The following TMPRSS15 variants were observed in gnomAD, a reference collection of about 807,000 sequenced individuals.
The protein encoded by TMPRSS15 is transmembrane serine protease 15.
Under a neutral mutation model 125.3 loss-of-function variants are expected in TMPRSS15, and 128 were observed. That is an observed-to-expected ratio of 1.02 (90% confidence interval 0.89 to 1.18). TMPRSS15 has a LOEUF of 1.18. Among genes scored for constraint, TMPRSS15 ranks in the 50% most tolerant of loss-of-function variants. The pLI, the probability that TMPRSS15 is intolerant of heterozygous loss-of-function variation, is 0.00. For missense variants in TMPRSS15, 1,283 were observed against 1,212.7 expected (o/e 1.06, Z -0.86); for synonymous variants, 446 against 423.2 (o/e 1.05, Z -0.66).
intron 6 of TMPRSS15, among the ~76,000 whole-genome samples, chr21:18,365,580 CTTTT>C (rs1439135948): frequency 8.4e-6 from 1 of 119,524 alleles, no homozygotes; most frequent in Non-Finnish European, 1.7e-5. Context: ...CTCTTTCTCT[CTTTT>C]TCCTTCCTTC....
chr21:18,325,757 C>A (rs2075282400), intron 16 of TMPRSS15, among the ~76,000 whole-genome samples: 1 of 151,982 alleles, frequency 6.6e-6, no homozygotes, highest in Non-Finnish European at 1.5e-5. Flanking sequence ...AAAAAATTCT[C>A]TGCAGATTGT....
At chr21:18,329,061 C>T in intron 15 of TMPRSS15, 108 bp downstream of exon 15, 1 of 1,328,008 alleles carries the variant, frequency 7.5e-7, no homozygotes, top group Non-Finnish European at 1.1e-6. Context: ...ATTGTATTTT[C>T]ATTTTGCAAG....
Position 18,372,335 on chromosome 21 carries a change from T to G in TMPRSS15, c.533-11A>C. 4 of 1,611,200 alleles carry G rather than the reference T, an allele frequency of 2.5e-6. No homozygotes were observed. The South Asian group carries it at 4.4e-5, about 18-fold the overall frequency. ...CTATTGAGACATTTCCTTTAAAAAA[T>G]AACTGAAATTAATTTCCAATTGATG... On this transcript the variant is annotated splice_polypyrimidine_tract_variant and intron_variant, in intron 5 of 24. Transcript: ENST00000284885.
chr21:18,279,168 A>G (rs1378429654), intron 22 of TMPRSS15, 109 bp from the exon 23 acceptor site: 2 of 696,994 alleles, frequency 2.9e-6, no homozygotes, highest in African/African-American at 1.8e-5. Flanking sequence ...TCTAAAAAAC[A>G]TGTATTTTTT....
intron 18 of TMPRSS15, among the ~76,000 whole-genome samples, chr21:18,309,749 G>A (rs1478391117): frequency 2.0e-5 from 3 of 152,164 alleles, no homozygotes; most frequent in African/African-American, 7.2e-5. Flanking sequence ...ACGCCAGTTA[G>A]AACGGTGATC....
intron 3 of TMPRSS15, among the ~76,000 whole-genome samples, chr21:18,387,431 T>C (rs945019463): frequency 5.3e-5 from 8 of 152,190 alleles, no homozygotes; most frequent in African/African-American, 1.9e-4. Flanking sequence ...GTGGCTTATC[T>C]GTGCTCAAAG....
intron 16 of TMPRSS15, among the ~76,000 whole-genome samples, chr21:18,325,621 AG>A (rs2146960053): frequency 6.6e-6 from 1 of 152,112 alleles, no homozygotes. Context: ...CCTATGGAAG[AG>A]AAAGAGAGAT....
intron 18 of TMPRSS15, among the ~76,000 whole-genome samples, chr21:18,300,294 T>TTC (rs1187103446): frequency 2.5e-5 from 3 of 121,458 alleles, no homozygotes; most frequent in South Asian, 2.6e-4. Flanking sequence ...CTCTCTTTCT[T>TTC]TCTCTCTCTC....
intron 1 of TMPRSS15, among the ~76,000 whole-genome samples, chr21:18,438,519 T>C (rs189335672): frequency 1.3e-5 from 2 of 152,292 alleles, no homozygotes; most frequent in African/African-American, 4.8e-5. Flanking sequence ...TTCTAGATCA[T>C]CTCTTATACC....
At chr21:18,292,726 A>G (rs2074853565) in intron 21 of TMPRSS15, among the ~76,000 whole-genome samples, 1 of 152,184 alleles carries the variant, frequency 6.6e-6, no homozygotes, top group African/African-American at 2.4e-5. Context: ...TTTAGCTAAA[A>G]CTAGCTTTAA....
intron 3 of TMPRSS15, among the ~76,000 whole-genome samples, chr21:18,387,366 G>T (rs1375731121): frequency 1.3e-5 from 2 of 152,146 alleles, no homozygotes; most frequent in Admixed American, 6.5e-5. Context: ...ATTCCTTAAT[G>T]ATATTGGTAA....
Position 18,305,323 on chromosome 21 carries a change from G to A in TMPRSS15, c.2166-7494C>T, listed in dbSNP as rs1487113950. Among the ~76,000 whole-genome samples the A allele has an allele frequency of 4.0e-5, 6 of 151,620 alleles. 1 individual carries two copies. In the South Asian group the frequency reaches 1.3e-3, roughly 32 times the overall value. On this transcript the variant is annotated intron_variant, in intron 18 of 24. Coordinates refer to ENST00000284885, the MANE Select transcript of TMPRSS15 (RefSeq NM_002772.3). ...CCTGCCTCAGCCTCCCGAGTAGCTG[G>A]GACTACAGGCGCCCGCCACCGCGCC...
chr21:18,459,382 T>C lies in TMPRSS15; in HGVS notation c.10+26417A>G, dbSNP rs1978507106. On this transcript the variant is annotated intron_variant, in intron 1 of 7. Transcript: ENST00000422787. ...TCTGCCTCCCAAGTTCAAGCGATTC[T>C]CATGACTCAGCCTCTCGAGTAGCTG... 4.6e-5 allele frequency among the ~76,000 whole-genome samples: 7 copies of C among 151,988 alleles called. No homozygotes were observed. The South Asian group carries it at 1.5e-3, about 32-fold the overall frequency.
chr21:18,422,105 T>C (rs991288412), intron 1 of TMPRSS15, among the ~76,000 whole-genome samples: 1 of 151,524 alleles, frequency 6.6e-6, no homozygotes, highest in African/African-American at 2.4e-5. Context: ...TGCCTCAGCC[T>C]CCTGAGTAGC....
At chr21:18,301,170 A>G (rs908405269) in intron 18 of TMPRSS15, among the ~76,000 whole-genome samples, 12 of 152,142 alleles carry the variant, frequency 7.9e-5, no homozygotes, top group Non-Finnish European at 1.3e-4. Context: ...AGAGTAGGGT[A>G]TAGGGCCCTC....
At chr21:18,350,174 A>G (rs2075550953) in intron 10 of TMPRSS15, among the ~76,000 whole-genome samples, 1 of 152,112 alleles carries the variant, frequency 6.6e-6, no homozygotes, top group Non-Finnish European at 1.5e-5. Flanking sequence ...TGTAGGGGTT[A>G]GTTTTCAGCT....
chr21:18,357,340 T>TCTCTGATG (rs1358971008), intron 8 of TMPRSS15, among the ~76,000 whole-genome samples: 3 of 151,856 alleles, frequency 2.0e-5, no homozygotes, highest in South Asian at 2.1e-4. Context: ...TGTCTGTATT[T>TCTCTGATG]CTCTGATGCT....
chr21:18,430,595 C>A (rs948156950), intron 1 of TMPRSS15, among the ~76,000 whole-genome samples: 2 of 152,076 alleles, frequency 1.3e-5, no homozygotes, highest in Admixed American at 1.3e-4. Flanking sequence ...CATACATATC[C>A]AATAAAAGAA....
intron 1 of TMPRSS15, among the ~76,000 whole-genome samples, chr21:18,456,643 G>T (rs1170259540): frequency 6.6e-6 from 1 of 151,950 alleles, no homozygotes; most frequent in Admixed American, 6.6e-5. Context: ...TTACTATGAA[G>T]CTAGTTAGAA....
Sources: allele counts gnomAD v4.1 joint callset (sites outside exome capture counted in the v4.1 genomes callset), GRCh38; gene constraint gnomAD v4.1.1; transcripts MANE v1.5; gene names NCBI Gene and HGNC (gene_info 2026-07-23, HGNC 2026-07-21).